The following STARD9 variants were observed in gnomAD, a reference collection of about 807,000 sequenced individuals.
The protein encoded by STARD9 is stAR-related lipid transfer protein 9.
A neutral mutation model predicts 399.8 loss-of-function variants in STARD9; 346 were observed. The ratio of observed to expected loss-of-function variants is 0.87; its 90% CI spans 0.79 to 0.95. The LOEUF (loss-of-function observed/expected upper bound fraction) is 0.95, where lower values mean the gene tolerates loss of function less well. STARD9 is among the 40% of genes least tolerant of loss of function. The pLI is 0.00. For synonymous variants in STARD9, 2,203 were observed against 2,143.5 expected (o/e 1.03, Z -0.77); for missense variants, 5,832 against 5,667.5 (o/e 1.03, Z -0.93).
chr15:42,718,278 T>C, intron 30 of STARD9, 99 bp downstream of exon 30: 3 of 1,287,412 alleles, frequency 2.3e-6, no homozygotes, highest in Non-Finnish European at 3.2e-6. Context: ...GGCAGCCCTC[T>C]TTGGAGGCCA....
chr15:42,684,901 C>G lies in STARD9; in HGVS notation c.3323C>G (p.Ser1108Ter), dbSNP rs2140227873. 1 of 1,537,074 alleles carries G rather than the reference C, an allele frequency of 6.5e-7. No homozygotes were observed. Among genetic ancestry groups the G allele is most frequent in the Non-Finnish European group, 8.7e-7 (1 of 1,146,914 alleles). ...TTATCTGACACAGATAGCAACTACTCATTGGATTCTCTCTCATGTGTCTAT... is the reference window on the plus strand; with the variant it reads ...TTATCTGACACAGATAGCAACTACTGATTGGATTCTCTCTCATGTGTCTAT... The part of the protein sequence containing the change: ...NDLSDTDSNY[S>*]LDSLSCVYAK... Residue 1108 changes from serine to a stop codon, truncating the protein, a stop_gained, in exon 23 of 33, where the codon TCA (serine) becomes TGA (stop). Transcript: ENST00000290607. LOFTEE classifies it high-confidence loss of function.
Position 42,686,475 on chromosome 15 carries a change from C to A in STARD9, c.4897C>A (p.Leu1633Ile). 6.5e-7 allele frequency: 1 copy of A among 1,537,780 alleles called. No homozygotes were observed. The highest frequency in any genetic ancestry group is 1.2e-5 in the South Asian group (1 of 84,058). Residue 1633 changes from leucine (L) to isoleucine (I), a missense_variant, in exon 23 of 33, where the codon CTT (leucine) becomes ATT (isoleucine). Coordinates refer to ENST00000290607, the MANE Select transcript of STARD9 (RefSeq NM_020759.3). The part of the protein sequence containing the change: ...EVKQNNLEEC[L>I]QSCRKPGLMT... ...CAAGCAGAACAACTTGGAAGAATGCCTTCAGAGTTGCAGGAAACCTGGACT... is the reference window on the plus strand; with the variant it reads ...CAAGCAGAACAACTTGGAAGAATGCATTCAGAGTTGCAGGAAACCTGGACT...
At chr15:42,589,866 A>C (rs1043991545) in intron 3 of STARD9, among the ~76,000 whole-genome samples, 19 of 151,518 alleles carry the variant, frequency 1.3e-4, no homozygotes, top group African/African-American at 4.1e-4. Context: ...TGGCCTCCCA[A>C]AGTGCTGGGA....
chr15:42,664,142 C>CT (rs1234046487), intron 13 of STARD9, among the ~76,000 whole-genome samples: 8 of 152,138 alleles, frequency 5.3e-5, no homozygotes, highest in Non-Finnish European at 8.8e-5. Flanking sequence ...AGATACTTCT[C>CT]TAAGGCCATT....
rs568960520 is a variant in STARD9, at chr15:42,628,032, C to CT, written c.235-6823dup. Among the ~76,000 whole-genome samples the CT allele has an allele frequency of 1.4e-3, 209 of 152,226 alleles. 1 individual carries two copies. The highest frequency in any genetic ancestry group is 4.8e-3 in the African/African-American group (200 of 41,530). ...CATACTCTTCTCCATAGTGGCTGTA[C>CT]TAATTTACATTCCCACCAATAGTGT... On this transcript the variant is annotated intron_variant, in intron 3 of 32. Coordinates refer to ENST00000290607, the MANE Select transcript of STARD9 (RefSeq NM_020759.3).
chr15:42,621,806 G>C (rs922127528), intron 3 of STARD9, among the ~76,000 whole-genome samples: 1 of 152,166 alleles, frequency 6.6e-6, no homozygotes, highest in Admixed American at 6.5e-5. Flanking sequence ...TGCTCATTTT[G>C]TTCCTGTTAG....
chr15:42,695,220 A>C lies in STARD9; in HGVS notation c.13043A>C (p.Glu4348Ala), dbSNP rs777563154. 6.5e-7 allele frequency: 1 copy of C among 1,537,182 alleles called. No individual in the cohort carries two copies. Among genetic ancestry groups the C allele is most frequent in the South Asian group, 1.2e-5 (1 of 84,060 alleles). ...LMLQDYQQAH[E>A]EAKVEIARAR... ...CTGCAAGACTACCAGCAGGCCCATG[A>C]GGAGGCCAAGGTGGAGATTGCCCGG... The change falls in exon 25 of 33, where the codon GAG (glutamate) becomes GCG (alanine). Residue 4348 changes from glutamate to alanine, a missense_variant. By Grantham distance (107) the Glu-to-Ala change is moderately radical. Around this residue, in one of 2 missense-constraint regions of STARD9, gnomAD observed 5,828 missense variants for 5,651.1 expected, o/e 1.03. Transcript: ENST00000290607.
At chr15:42,591,547 A>C (rs2058394178) in intron 3 of STARD9, among the ~76,000 whole-genome samples, 1 of 151,956 alleles carries the variant, frequency 6.6e-6, no homozygotes, top group Non-Finnish European at 1.5e-5. Context: ...CTCATATGTT[A>C]CAGATCTGGC....
rs1327387992 is a variant in STARD9, at chr15:42,687,292, G to A, written c.5714G>A (p.Gly1905Glu). 6.5e-7 allele frequency: 1 copy of A among 1,536,832 alleles called. No individual in the cohort carries two copies. The highest frequency in any genetic ancestry group is 2.4e-5 in the East Asian group (1 of 40,918). ...CGASSDSTESGKSLLFRESEA... is the reference protein window; with the variant it reads ...CGASSDSTESEKSLLFRESEA... ...GCTTCCTCAGACAGCACTGAGTCTG[G>A]GAAGTCTCTCCTCTTTCGTGAATCT... The change falls in exon 23 of 33, where the codon GGG becomes GAG. Residue 1905 changes from glycine to glutamate, a missense_variant. Coordinates refer to ENST00000290607, the MANE Select transcript of STARD9 (RefSeq NM_020759.3).
chr15:42,626,883 G>T (rs2059238047), intron 3 of STARD9, among the ~76,000 whole-genome samples: 1 of 150,592 alleles, frequency 6.6e-6, no homozygotes, highest in South Asian at 2.1e-4. Context: ...GTCTCTCTCT[G>T]TCACCCCAGG....
At chr15:42,674,319 G>C in intron 16 of STARD9, 121 bp from the exon 17 acceptor site, 1 of 799,608 alleles carries the variant, frequency 1.3e-6, no homozygotes, top group Non-Finnish European at 2.0e-6. Context: ...GGCTGGGATG[G>C]GATGAGAAGT....
At chr15:42,636,354 G>A (rs1464101410) in intron 4 of STARD9, among the ~76,000 whole-genome samples, 11 of 151,990 alleles carry the variant, frequency 7.2e-5, no homozygotes, top group East Asian at 5.8e-4. Context: ...AGGCTGAGGC[G>A]GGCAGATCAC....
At position 42,689,466 on chromosome 15, in the gene STARD9, C is replaced by T. The variant is rs1479969724; in HGVS notation, c.7888C>T (p.Leu2630=). The T allele has an allele frequency of 5.9e-6, 9 of 1,537,180 alleles. No individual in the cohort carries two copies. Among genetic ancestry groups the T allele is most frequent in the Non-Finnish European group, 7.0e-6 (8 of 1,146,928 alleles). Residue 2630 remains leucine, a synonymous_variant, in exon 23 of 33, where the codon CTG becomes TTG. Transcript: ENST00000290607. ...ATCTGCTGAAGCAGGGCAGATAGAT[C>T]TGTTACCTGATGAGAGGAAAGTCCA... ...SLSAEAGQID[L]LPDERKVQAT...
At chr15:42,703,182 C>G (rs1458584139) in intron 26 of STARD9, among the ~76,000 whole-genome samples, 2 of 152,062 alleles carry the variant, frequency 1.3e-5, no homozygotes, top group African/African-American at 4.8e-5. Context: ...GTGGAGTAGT[C>G]TTATTTCATT....
At position 42,690,259 on chromosome 15, in the gene STARD9, A is replaced by T; in HGVS notation, c.8681A>T (p.His2894Leu). The T allele has an allele frequency of 6.5e-7, 1 of 1,537,438 alleles. No homozygotes were observed. Among genetic ancestry groups the T allele is most frequent in the Non-Finnish European group, 8.7e-7 (1 of 1,146,954 alleles). The stretch of plus-strand genomic sequence containing the variant: ...GAAGTCTGCAGGGCTGGCAGCAAAC[A>T]TTCCAGGCCAATTCCACTGCCAGAT... ...LTEVCRAGSK[H>L]SRPIPLPDQR... Residue 2894 changes from histidine to leucine, a missense_variant, in exon 23 of 33, where the codon CAT becomes CTT. His to Leu is a moderately conservative substitution (Grantham distance 99, BLOSUM62 -3). Transcript: ENST00000290607.
intron 3 of STARD9, among the ~76,000 whole-genome samples, chr15:42,626,521 A>G (rs1038041985): frequency 3.0e-4 from 43 of 141,368 alleles, no homozygotes; most frequent in African/African-American, 1.1e-3. Flanking sequence ...GTGGCAGGGG[A>G]AAGAGTTTCA....
chr15:42,652,133 T>TA (rs1454080810), intron 8 of STARD9, among the ~76,000 whole-genome samples: 1 of 152,220 alleles, frequency 6.6e-6, no homozygotes, highest in Non-Finnish European at 1.5e-5. Flanking sequence ...CCACTTGTCT[T>TA]ATTAAAATGA....
rs1424801002 is a variant in STARD9, at chr15:42,685,097, C to T, written c.3519C>T (p.Gly1173=). Residue 1173 remains glycine, a synonymous_variant, in exon 23 of 33, where the codon GGC becomes GGT. Transcript: ENST00000290607. The part of the protein sequence containing the change: ...LGGNRPTNNR[G]QPRTRTRASV... ...GCAATCGTCCCACCAACAACCGTGGCCAACCCAGGACCAGAACTAGAGCTT... is the reference window on the plus strand; with the variant it reads ...GCAATCGTCCCACCAACAACCGTGGTCAACCCAGGACCAGAACTAGAGCTT... The T allele has an allele frequency of 3.9e-6, 6 of 1,537,086 alleles. No individual in the cohort carries two copies. The highest frequency in any genetic ancestry group is 1.4e-5 in the African/African-American group (1 of 73,022).
intron 3 of STARD9, among the ~76,000 whole-genome samples, chr15:42,609,735 G>C (rs2058810901): frequency 6.6e-6 from 1 of 151,982 alleles, no homozygotes; most frequent in African/African-American, 2.4e-5. Context: ...ACCGTGCCCA[G>C]CCCTGAAATT....
Sources: gnomAD v4.1 joint callset for allele counts (sites outside exome capture counted in the v4.1 genomes callset) on GRCh38, gnomAD v4.1.1 for gene constraint, gnomAD v4.1.1 regional missense constraint, MANE v1.5 for transcripts, NCBI Gene and HGNC (gene_info 2026-07-23, HGNC 2026-07-21) for gene names.